Variants in SERPINB12 observed in about 807,000 individuals in gnomAD.
SERPINB12 encodes the protein serpin B12.
Under a neutral mutation model 41.1 loss-of-function variants are expected in SERPINB12, and 57 were observed. The observed-to-expected ratio is 1.39, with a 90% CI of 1.12 to 1.73. The LOEUF is 1.73. Ranked by LOEUF, SERPINB12 falls within the 40% of genes most tolerant of loss-of-function variation. The pLI is 0.00. For missense variants in SERPINB12, 536 were observed against 501.9 expected (o/e 1.07, Z -0.65); for synonymous variants, 180 against 181.3 (o/e 0.99, Z 0.06).
intron 1 of SERPINB12, among the ~76,000 whole-genome samples, chr18:63,545,483 G>A (rs754628971): frequency 4.6e-5 from 7 of 152,038 alleles, no homozygotes; most frequent in Non-Finnish European, 1.0e-4. Flanking sequence ...TTTCATCTTC[G>A]CTCATTGAGC....
At chr18:63,554,705 A>G (rs761609324) in intron 1 of SERPINB12, among the ~76,000 whole-genome samples, 3 of 152,182 alleles carry the variant, frequency 2.0e-5, no homozygotes, top group African/African-American at 7.2e-5. Context: ...GGAAGTCACT[A>G]TCTCACTCTG....
chr18:63,542,292 G>C (rs1467049018), upstream of SERPINB12, among the ~76,000 whole-genome samples: 1 of 152,196 alleles, frequency 6.6e-6, no homozygotes, highest in Non-Finnish European at 1.5e-5. Context: ...ATAAATGCAT[G>C]TCTTATTTTC....
the SERPINB12 span, among the ~76,000 whole-genome samples, chr18:63,523,089 G>A: frequency 6.6e-6 from 1 of 152,106 alleles, no homozygotes; most frequent in Non-Finnish European, 1.5e-5. Flanking sequence ...ACATCCCAAA[G>A]TTAGTTTGAG....
the SERPINB12 span, among the ~76,000 whole-genome samples, chr18:63,529,241 T>C: frequency 3.1e-4 from 47 of 152,140 alleles, no homozygotes; most frequent in Non-Finnish European, 5.9e-4. Context: ...CAAGGAGGAT[T>C]ATGTAAGTTG....
rs893912699 is a variant in SERPINB12 at position 63,567,134 on chromosome 18, C to T, written c.*123C>T. The T allele has an allele frequency of 3.2e-5, 30 of 930,468 alleles. No homozygotes were observed. Among genetic ancestry groups the T allele is most frequent in the South Asian group, 1.3e-4 (7 of 55,276 alleles). 57.6% of individuals were successfully genotyped at this position (930,468 alleles called of 1,614,324 possible). On this transcript the variant is annotated 3_prime_UTR_variant, in exon 8 of 8. Transcript: ENST00000382768. The stretch of plus-strand genomic sequence containing the variant: ...AGCATCTCCTTCATCCTCCAGCCAT[C>T]GGCTTGTGCTTATCTTGATCTTTCT...
the SERPINB12 span, among the ~76,000 whole-genome samples, chr18:63,535,466 C>A: frequency 1.3e-5 from 2 of 151,934 alleles, no homozygotes; most frequent in Non-Finnish European, 1.5e-5. Context: ...AAATAATACC[C>A]CAAACTAAGG....
intron 2 of SERPINB12, among the ~76,000 whole-genome samples, chr18:63,557,259 T>C (rs911212193): frequency 6.6e-6 from 1 of 152,144 alleles, no homozygotes; most frequent in Admixed American, 6.5e-5. Context: ...CAGCTCACTT[T>C]CTTCTTCAAG....
At chr18:63,540,986 A>T (rs190451993), upstream of SERPINB12, among the ~76,000 whole-genome samples, 8 of 152,302 alleles carry the variant, frequency 5.3e-5, no homozygotes, top group East Asian at 1.5e-3. Flanking sequence ...CTTACAAATT[A>T]TCTTTACTTT....
chr18:63,547,215 A>AT (rs1184724146), intron 1 of SERPINB12, among the ~76,000 whole-genome samples: 2 of 152,160 alleles, frequency 1.3e-5, no homozygotes, highest in Admixed American at 1.3e-4. Flanking sequence ...TATATGATTG[A>AT]TTTTTTTAAA....
In SERPINB12 at chr18:63,567,631, A is replaced by G. The variant is rs1392567906; in HGVS notation, c.*620A>G. Among the ~76,000 whole-genome samples, 1 of 152,092 alleles carries G rather than the reference A, an allele frequency of 6.6e-6. No homozygotes were observed. Among genetic ancestry groups the G allele is most frequent in the Non-Finnish European group, 1.5e-5 (1 of 68,006 alleles). On this transcript the variant is annotated 3_prime_UTR_variant, in exon 8 of 8. Coordinates refer to ENST00000382768, the MANE Select transcript of SERPINB12 (RefSeq NM_001307928.2). ...AAGATGTGTGACTGCCCCAACCAGC[A>G]CTCATTTTGCACAGAGCAGGGGAAT... is the stretch of plus-strand genomic sequence containing the variant.
At chr18:63,534,167 T>G in the SERPINB12 span, among the ~76,000 whole-genome samples, 4 of 152,142 alleles carry the variant, frequency 2.6e-5, no homozygotes, top group African/African-American at 7.2e-5. Context: ...CTCACCAATA[T>G]TTTTAAATTA....
At chr18:63,552,504 A>G (rs1383902183) in intron 1 of SERPINB12, among the ~76,000 whole-genome samples, 1 of 152,232 alleles carries the variant, frequency 6.6e-6, no homozygotes, top group Non-Finnish European at 1.5e-5. Context: ...AAAATTGCCT[A>G]TTTGAATCTG....
At chr18:63,566,454 A>T (rs1370324204) in intron 7 of SERPINB12, among the ~76,000 whole-genome samples, 153 bp from the exon 8 acceptor site, 3 of 152,226 alleles carry the variant, frequency 2.0e-5, no homozygotes, top group African/African-American at 7.2e-5. Flanking sequence ...ATTTGCTTGA[A>T]GTTTTAAATG....
rs1910898919 is a variant in SERPINB12, at chr18:63,561,216, A to G, written c.562+14A>G. ...GTCAATCCCAAGGTAAGAAAGCCCAAAAGCACGGGAGCTGGTATTGGTTTC... is the reference window on the plus strand; with the variant it reads ...GTCAATCCCAAGGTAAGAAAGCCCAGAAGCACGGGAGCTGGTATTGGTTTC... On this transcript the variant is annotated intron_variant, in intron 5 of 7. Transcript: ENST00000382768. 6.8e-7 allele frequency: 1 copy of G among 1,479,220 alleles called. No individual in the cohort carries two copies. Among genetic ancestry groups the G allele is most frequent in the Non-Finnish European group, 9.4e-7 (1 of 1,058,606 alleles). 91.6% of individuals were successfully genotyped at this position (1,479,220 alleles called of 1,614,324 possible).
At chr18:63,562,511 C>T (rs756810074) in intron 5 of SERPINB12, among the ~76,000 whole-genome samples, 4 of 152,182 alleles carry the variant, frequency 2.6e-5, no homozygotes, top group African/African-American at 7.2e-5. Context: ...GTGACAGTTT[C>T]GGTTCCTCCC....
At chr18:63,552,003 A>G (rs1006940804) in intron 1 of SERPINB12, among the ~76,000 whole-genome samples, 1 of 151,998 alleles carries the variant, frequency 6.6e-6, no homozygotes, top group Non-Finnish European at 1.5e-5. Flanking sequence ...ATGGGGATAA[A>G]TCTCAAATCA....
chr18:63,536,457 A>G, the SERPINB12 span, among the ~76,000 whole-genome samples: 1 of 152,158 alleles, frequency 6.6e-6, no homozygotes, highest in East Asian at 1.9e-4. Context: ...TTAACTTATA[A>G]CTAATAAAAA....
chr18:63,547,656 T>G (rs1454935905), intron 1 of SERPINB12, among the ~76,000 whole-genome samples: 1 of 152,174 alleles, frequency 6.6e-6, no homozygotes, highest in Non-Finnish European at 1.5e-5. Flanking sequence ...TTAGAATGTC[T>G]ATCTTGTCTA....
At position 63,567,036 on chromosome 18, in the gene SERPINB12, G is replaced by A; in HGVS notation, c.*25G>A. The A allele has an allele frequency of 6.6e-7, 1 of 1,521,022 alleles. No homozygotes were observed. The highest frequency in any genetic ancestry group is 8.8e-7 in the Non-Finnish European group (1 of 1,137,100). 94.2% of individuals were successfully genotyped at this position (1,521,022 alleles called of 1,614,324 possible). On this transcript the variant is annotated 3_prime_UTR_variant, in exon 8 of 8. Coordinates refer to ENST00000382768, the MANE Select transcript of SERPINB12 (RefSeq NM_001307928.2). ...AAAGGGGAGCAGTGTCTAGTACTTT[G>A]GAGCTGGAGGAAAATATCAATACAA...
Sources: allele counts gnomAD v4.1 joint callset (sites outside exome capture counted in the v4.1 genomes callset), GRCh38; gene constraint gnomAD v4.1.1; transcripts MANE v1.5; gene names NCBI Gene and HGNC (gene_info 2026-07-23, HGNC 2026-07-21).